Variants in POLR1C observed in about 807,000 individuals in gnomAD.
The protein encoded by POLR1C is DNA-directed RNA polymerases I and III subunit RPAC1.
Under a neutral mutation model 38.3 loss-of-function variants are expected in POLR1C, and 42 were observed. The ratio of observed to expected loss-of-function variants is 1.10; its 90% CI spans 0.86 to 1.42. The LOEUF is 1.42. Ranked by LOEUF, POLR1C falls within the 40% of genes most tolerant of loss-of-function variation. The pLI is 0.00. For synonymous variants in POLR1C, 163 were observed against 163.9 expected (o/e 0.99, Z 0.04); for missense variants, 507 against 450.5 (o/e 1.13, Z -1.14).
chr6:43,535,050 T>C (rs1794231046), intron 9 of POLR1C, among the ~76,000 whole-genome samples: 2 of 151,052 alleles, frequency 1.3e-5, no homozygotes. Context: ...CCCAGCACTT[T>C]GGGAGGCTGA....
In POLR1C at chr6:43,520,693, C is replaced by A; in HGVS notation, c.724C>A (p.Leu242Ile). 6.2e-7 allele frequency: 1 copy of A among 1,614,126 alleles called. No homozygotes were observed. Among genetic ancestry groups the A allele is most frequent in the Non-Finnish European group, 8.5e-7 (1 of 1,180,010 alleles). Residue 242 changes from leucine to isoleucine, a missense_variant, in exon 7 of 9, where the codon CTT becomes ATT. By Grantham distance (5) the Leu-to-Ile change is conservative. Coordinates refer to ENST00000642195, the MANE Select transcript of POLR1C (RefSeq NM_203290.4). ...SYRLLPDITL[L>I]EPVEGEAAEE... The stretch of plus-strand genomic sequence containing the variant: ...CAGGCTCCTGCCAGACATCACCCTG[C>A]TTGAGCCCGTGGAAGGGGAGGCAGC...
chr6:43,525,828 C>G (rs1194465401), downstream of POLR1C: 2 of 1,613,816 alleles, frequency 1.2e-6, no homozygotes, highest in Non-Finnish European at 1.7e-6. Flanking sequence ...TCACCTGCTC[C>G]TTCTACCCAC....
intron 9 of POLR1C, chr6:43,549,997 T>C: frequency 9.0e-6 from 14 of 1,554,056 alleles, no homozygotes; most frequent in African/African-American, 1.4e-5. Context: ...GATCTTGCTA[T>C]GTTGCCCAGA....
chr6:43,546,787 A>C, intron 9 of POLR1C: 1 of 1,504,782 alleles, frequency 6.6e-7, no homozygotes, highest in South Asian at 1.3e-5. Context: ...TAAATATTAA[A>C]AGGAAAAAAA....
In POLR1C at chr6:43,528,110, A is replaced by G. The variant is rs766840819; in HGVS notation, c.923-1139A>G. ...TGCCCGCTTCCTTTTCCCACCCCAA[A>G]CCTGGCTGCCAGTTCATCCACCAAG... is the stretch of plus-strand genomic sequence containing the variant. On this transcript the variant is annotated intron_variant, in intron 8 of 8. Transcript: ENST00000304004. 38 of 1,555,524 alleles carry G rather than the reference A, an allele frequency of 2.4e-5. No individual in the cohort carries two copies. The East Asian group carries it at 8.8e-4, about 36-fold the overall frequency.
downstream of POLR1C, chr6:43,530,637 C>G: frequency 1.3e-6 from 2 of 1,597,682 alleles, no homozygotes; most frequent in Non-Finnish European, 1.7e-6. Flanking sequence ...TTTTGTTTCT[C>G]TCTCTAATTT....
chr6:43,531,565 T>A, downstream of POLR1C: 1 of 1,613,630 alleles, frequency 6.2e-7, no homozygotes, highest in Non-Finnish European at 8.5e-7. Context: ...CCAAGAGAGG[T>A]TGAGGTAATC....
At chr6:43,535,088 C>T (rs186748573) in intron 9 of POLR1C, among the ~76,000 whole-genome samples, 1 of 150,860 alleles carries the variant, frequency 6.6e-6, no homozygotes, top group Admixed American at 6.6e-5. Context: ...GTCATGAGAT[C>T]GAGACTATCC....
chr6:43,533,727 C>T (rs188303217), downstream of POLR1C: 3 of 375,202 alleles, frequency 8.0e-6, no homozygotes, highest in African/African-American at 4.2e-5. Flanking sequence ...TCCAACTACT[C>T]GGGAGGCTGA....
In POLR1C at chr6:43,520,610, C is replaced by T; in HGVS notation, c.656-15C>T. 3 of 1,614,094 alleles carry T rather than the reference C, an allele frequency of 1.9e-6. No individual in the cohort carries two copies. The highest frequency in any genetic ancestry group is 2.5e-6 in the Non-Finnish European group (3 of 1,179,988). On this transcript the variant is annotated splice_polypyrimidine_tract_variant and intron_variant, in intron 6 of 8. Transcript: ENST00000642195. ...AGAAGGGTTTCCTATAGGCACGTTC[C>T]CTCTTCCTCTCCAGGCAAAGATCAT...
At chr6:43,528,967 T>C (rs1793773017) in intron 8 of POLR1C, 1 of 1,566,444 alleles carries the variant, frequency 6.4e-7, no homozygotes, top group African/African-American at 1.4e-5. Flanking sequence ...TAGGCACACA[T>C]CTCTCACCTG....
rs1762048748 is a variant in POLR1C, at chr6:43,555,777, T to C, written c.*48+4766T>C. The C allele has an allele frequency of 3.1e-6, 5 of 1,602,274 alleles. No individual in the cohort carries two copies. The South Asian group carries it at 4.4e-5, about 14-fold the overall frequency. On this transcript the variant is annotated intron_variant, in intron 10 of 10. Coordinates refer to the POLR1C transcript ENST00000607635. Reference sequence around the variant, plus strand: ...GTGTATAGCTCAGGCTCATTTCCTATATATAGTTTTGATACTGTCCTAACA... The same window carrying C: ...GTGTATAGCTCAGGCTCATTTCCTACATATAGTTTTGATACTGTCCTAACA...
rs780845843 is a variant in POLR1C, at chr6:43,517,123, A to C, written c.14A>C (p.Gln5Pro). The change falls in exon 1 of 9, where the codon CAG (glutamine) becomes CCG (proline). Residue 5 changes from glutamine to proline, a missense_variant. Coordinates refer to ENST00000642195, the MANE Select transcript of POLR1C (RefSeq NM_203290.4). ...GAGAGATTGAAGATGGCGGCTTCTC[A>C]GGCGGTGGAGGAAATGCGGAGCCGC... MAAS[Q>P]AVEEMRSRVV... The C allele has an allele frequency of 6.2e-7, 1 of 1,614,174 alleles. No individual in the cohort carries two copies. The highest frequency in any genetic ancestry group is 8.5e-7 in the Non-Finnish European group (1 of 1,180,022).
chr6:43,528,263 T>C, intron 8 of POLR1C: 1 of 1,514,600 alleles, frequency 6.6e-7, no homozygotes, highest in South Asian at 1.2e-5. Context: ...GAACACATAA[T>C]ATCTAAAGTC....
At chr6:43,556,545 T>G (rs1349685769) in intron 10 of POLR1C, among the ~76,000 whole-genome samples, 1 of 151,756 alleles carries the variant, frequency 6.6e-6, no homozygotes, top group Non-Finnish European at 1.5e-5. Context: ...AAAAAAAATT[T>G]TTAAAAAGTA....
rs1793175195 is a variant in POLR1C at position 43,521,310 on chromosome 6, C to G, written c.*10C>G. ...GGTTCAGATGGACTGAGCTTGGATG[C>G]TTCTGAGGCAAGCTGAAGCTTTGGG... On this transcript the variant is annotated 3_prime_UTR_variant, in exon 9 of 9. Transcript: ENST00000642195. 1 of 1,612,068 alleles carries G rather than the reference C, an allele frequency of 6.2e-7. No individual in the cohort carries two copies. Among genetic ancestry groups the G allele is most frequent in the African/African-American group, 1.3e-5 (1 of 74,962 alleles).
chr6:43,547,688 C>A, intron 9 of POLR1C: 1 of 1,613,960 alleles, frequency 6.2e-7, no homozygotes, highest in Non-Finnish European at 8.5e-7. Flanking sequence ...GCAATGAAAG[C>A]ATCAACATCT....
Position 43,519,441 on chromosome 6 carries a change from G to T in POLR1C, c.249+1G>T. On this transcript the variant is annotated splice_donor_variant, in intron 3 of 8. Coordinates refer to ENST00000642195, the MANE Select transcript of POLR1C (RefSeq NM_203290.4). LOFTEE classifies it high-confidence loss of function. ...TTTTCGACGAATTCTGCTAGCTGAG[G>T]TATTGGCAGGCATGGTGACAAGGCT... 1 of 1,603,524 alleles carries T rather than the reference G, an allele frequency of 6.2e-7. No individual in the cohort carries two copies.
At chr6:43,527,724 C>A (rs780879615) in intron 8 of POLR1C, 1 of 1,613,986 alleles carries the variant, frequency 6.2e-7, no homozygotes, top group Non-Finnish European at 8.5e-7. Context: ...GCAGCCTCAT[C>A]TTCTCCACTG....
Sources: gnomAD v4.1 joint callset for allele counts (sites outside exome capture counted in the v4.1 genomes callset) on GRCh38, gnomAD v4.1.1 for gene constraint, MANE v1.5 for transcripts, NCBI Gene and HGNC (gene_info 2026-07-23, HGNC 2026-07-21) for gene names.